KANK1: variants seen among roughly 807,000 people sequenced by gnomAD.
The protein encoded by KANK1 is KN motif and ankyrin repeat domain-containing protein 1.
KANK1 carries 109 observed loss-of-function variants against 106.2 expected under a neutral mutation model. The ratio of observed to expected loss-of-function variants is 1.03; its 90% CI spans 0.88 to 1.20. The LOEUF (loss-of-function observed/expected upper bound fraction) is 1.20, where lower values mean the gene tolerates loss of function less well. Among genes scored for constraint, KANK1 ranks in the 50% most tolerant of loss-of-function variants. The pLI, the probability that KANK1 is intolerant of heterozygous loss-of-function variation, is 0.00. For missense variants in KANK1, 2,399 were observed against 1,710.7 expected (o/e 1.40, Z -7.10); for synonymous variants, 873 against 652.2 (o/e 1.34, Z -5.16).
At chr9:506,382 A>G (rs748767167) in intron 1 of KANK1, among the ~76,000 whole-genome samples, 3 of 152,208 alleles carry the variant, frequency 2.0e-5, no homozygotes, top group Non-Finnish European at 2.9e-5. Context: ...AGCTGCCAGT[A>G]GAGGAATAAT....
At position 712,297 on chromosome 9, in the gene KANK1, G is replaced by T; in HGVS notation, c.1531G>T (p.Val511Phe). ...CAAAGCCACGATGGCCCAGCCGCTT[G>T]TTTTCAGTAAGGTGGTGGAGGCAGT... ...VDKATMAQPL[V>F]FSKVVEAVVQ... is the part of the protein sequence containing the mutation. Residue 511 changes from valine to phenylalanine, a missense_variant, in exon 3 of 12, where the codon GTT becomes TTT. Physicochemically the swap from Val to Phe is conservative, Grantham distance 50. Coordinates refer to ENST00000382297, the MANE Select transcript of KANK1 (RefSeq NM_015158.5). 1 of 1,614,222 alleles carries T rather than the reference G, an allele frequency of 6.2e-7. No individual in the cohort carries two copies. Among genetic ancestry groups the T allele is most frequent in the Non-Finnish European group, 8.5e-7 (1 of 1,180,044 alleles).
At chr9:681,026 G>C (rs1358561470) in intron 2 of KANK1, 1 of 152,244 alleles carries the variant, frequency 6.6e-6, no homozygotes, top group African/African-American at 2.4e-5. Flanking sequence ...CCGGTGTGGG[G>C]AACATAGCCA....
At chr9:523,637 C>T (rs1412601126) in intron 1 of KANK1, among the ~76,000 whole-genome samples, 1 of 151,728 alleles carries the variant, frequency 6.6e-6, no homozygotes, top group East Asian at 1.9e-4. Flanking sequence ...TGCTCTTCCA[C>T]AGGTGTCCCT....
In KANK1 at chr9:700,068, CTG is replaced by C. The variant is rs1336822672; in HGVS notation, c.38-10733_38-10732del. Among the ~76,000 whole-genome samples, 10 of 152,294 alleles carry C rather than the reference CTG, an allele frequency of 6.6e-5. No individual in the cohort carries two copies. In the East Asian group the frequency reaches 1.2e-3, roughly 18 times the overall value. On this transcript the variant is annotated intron_variant, in intron 2 of 11. Transcript: ENST00000382297. ...TGAATTGCAGTAGGCAGTATAAACT[CTG>C]TGAGGAGAAGCATTTCAGGCTTCTT... is the stretch of plus-strand genomic sequence containing the variant.
At chr9:727,898 C>T (rs1331432304) in intron 3 of KANK1, among the ~76,000 whole-genome samples, 1 of 152,138 alleles carries the variant, frequency 6.6e-6, no homozygotes, top group African/African-American at 2.4e-5. Flanking sequence ...GAATAGATCC[C>T]TCCTGTCAGC....
At chr9:643,543 A>ATTTTTTT (rs774468238) in intron 1 of KANK1, among the ~76,000 whole-genome samples, 3 of 102,446 alleles carry the variant, frequency 2.9e-5, no homozygotes, top group African/African-American at 4.0e-5. Flanking sequence ...TTTCTTTTTG[A>ATTTTTTT]TTTTTTTTTT....
chr9:481,921 G>C (rs1258005603), intron 3 of KANK1, among the ~76,000 whole-genome samples: 1 of 152,098 alleles, frequency 6.6e-6, no homozygotes, highest in East Asian at 1.9e-4. Flanking sequence ...ATAGTAATAG[G>C]ACAAACAAGA....
At chr9:507,591 T>C (rs910654616) in intron 1 of KANK1, among the ~76,000 whole-genome samples, 8 of 142,908 alleles carry the variant, frequency 5.6e-5, no homozygotes, top group African/African-American at 2.1e-4. Flanking sequence ...GGAGTCTCGA[T>C]CTGTTGCCAG....
At position 711,108 on chromosome 9, in the gene KANK1, A is replaced by G. The variant is rs1327479413; in HGVS notation, c.342A>G (p.Thr114=). Reference sequence around the variant, plus strand: ...TCCTCATAGCCAGAAGTCAAGTTACATCAACTCCAATCTCAAAGCCACCTC... The same window carrying G: ...TCCTCATAGCCAGAAGTCAAGTTACGTCAACTCCAATCTCAAAGCCACCTC... The part of the protein sequence containing the change: ...PNFLIARSQV[T]STPISKPPPP... The change falls in exon 3 of 12, where the codon ACA becomes ACG. Residue 114 remains threonine (T), a synonymous_variant. Coordinates refer to ENST00000382297, the MANE Select transcript of KANK1 (RefSeq NM_015158.5). The G allele has an allele frequency of 1.2e-6, 2 of 1,614,176 alleles. No homozygotes were observed. Among genetic ancestry groups the G allele is most frequent in the Non-Finnish European group, 8.5e-7 (1 of 1,180,042 alleles).
chr9:546,459 A>G (rs980654649), intron 1 of KANK1, among the ~76,000 whole-genome samples: 3 of 152,090 alleles, frequency 2.0e-5, no homozygotes, highest in Non-Finnish European at 2.9e-5. Context: ...TTTCAGGCTC[A>G]TGGGAAAAGG....
intron 1 of KANK1, among the ~76,000 whole-genome samples, chr9:586,362 C>A (rs1380295126): frequency 6.6e-6 from 1 of 152,130 alleles, no homozygotes; most frequent in Non-Finnish European, 1.5e-5. Context: ...AGTGGATAGG[C>A]TGTGATCTGC....
At chr9:703,527 A>C (rs532676632) in intron 2 of KANK1, among the ~76,000 whole-genome samples, 2 of 152,128 alleles carry the variant, frequency 1.3e-5, no homozygotes, top group Non-Finnish European at 2.9e-5. Context: ...CATTCAAAAA[A>C]TTTTTGTAAA....
chr9:483,151 C>T (rs1290676641), intron 3 of KANK1, among the ~76,000 whole-genome samples: 2 of 151,918 alleles, frequency 1.3e-5, no homozygotes, highest in Non-Finnish European at 2.9e-5. Flanking sequence ...ATAAGTGAAA[C>T]TTTATCATAG....
intron 1 of KANK1, among the ~76,000 whole-genome samples, chr9:654,796 C>T (rs1004261511): frequency 6.8e-6 from 1 of 146,824 alleles, no homozygotes; most frequent in Non-Finnish European, 1.5e-5. Context: ...TCACAATATG[C>T]ATTTGTGTGT....
At chr9:694,827 G>A (rs890529783) in intron 2 of KANK1, among the ~76,000 whole-genome samples, 18 of 152,156 alleles carry the variant, frequency 1.2e-4, no homozygotes, top group Non-Finnish European at 2.5e-4. Flanking sequence ...TGCCAGTTAG[G>A]ATGCAGCTGG....
In KANK1 at chr9:646,404, G is replaced by A. The variant is rs143966496; in HGVS notation, c.-83-30486G>A. Reference sequence around the variant, plus strand: ...GTAAAAATGTAGGTTATGTTTCTTCGTCTGAAAATAAGCTATTCTGAAAAG... The same window carrying A: ...GTAAAAATGTAGGTTATGTTTCTTCATCTGAAAATAAGCTATTCTGAAAAG... On this transcript the variant is annotated intron_variant, in intron 1 of 11. Transcript: ENST00000382297. 3.0e-3 allele frequency among the ~76,000 whole-genome samples: 458 copies of A among 150,910 alleles called. 42 individuals carry two copies. The highest frequency in any genetic ancestry group is 0.011 in the African/African-American group (445 of 40,316).
At chr9:516,236 A>G (rs1323121629) in intron 1 of KANK1, among the ~76,000 whole-genome samples, 3 of 151,620 alleles carry the variant, frequency 2.0e-5, no homozygotes, top group Non-Finnish European at 2.9e-5. Flanking sequence ...TGGAGGCAGA[A>G]TAAGATTTCT....
At chr9:668,182 G>A (rs949279332) in intron 1 of KANK1, among the ~76,000 whole-genome samples, 3 of 152,164 alleles carry the variant, frequency 2.0e-5, no homozygotes, top group African/African-American at 7.2e-5. Flanking sequence ...CTGATGAAAC[G>A]TGTATTCTGA....
At chr9:580,765 C>T (rs920495976) in intron 1 of KANK1, among the ~76,000 whole-genome samples, 6 of 152,254 alleles carry the variant, frequency 3.9e-5, no homozygotes, top group Non-Finnish European at 5.9e-5. Context: ...CCGCGCTGTG[C>T]GCCCGCACTC....
Sources: gnomAD v4.1 joint callset for allele counts (sites outside exome capture counted in the v4.1 genomes callset) on GRCh38, gnomAD v4.1.1 for gene constraint, MANE v1.5 for transcripts, NCBI Gene and HGNC (gene_info 2026-07-23, HGNC 2026-07-21) for gene names.